DLG2: variants seen among roughly 807,000 people sequenced by gnomAD.
The protein encoded by DLG2 is disks large homolog 2.
A neutral mutation model predicts 132.5 loss-of-function variants in DLG2; 45 were observed. That is an observed-to-expected ratio of 0.34 (90% confidence interval 0.27 to 0.44). The LOEUF is 0.44. Among genes scored for constraint, DLG2 ranks in the 20% least tolerant of loss-of-function variants. DLG2 has a pLI of 1.00. For synonymous variants in DLG2, 424 were observed against 419.6 expected (o/e 1.01, Z -0.13); for missense variants, 1,045 against 1,196.9 (o/e 0.87, Z 1.87).
intron 11 of DLG2, among the ~76,000 whole-genome samples, chr11:84,020,931 T>C (rs2095371820): frequency 6.6e-6 from 1 of 152,178 alleles, no homozygotes; most frequent in African/African-American, 2.4e-5. Context: ...CTACTTTAAG[T>C]GGCCCTAACA....
chr11:84,851,077 C>T (rs1196502945), intron 6 of DLG2, among the ~76,000 whole-genome samples: 1 of 152,018 alleles, frequency 6.6e-6, no homozygotes, highest in Non-Finnish European at 1.5e-5. Context: ...TATTCAAAAA[C>T]AGAACATATC....
chr11:83,921,984 C>A lies in DLG2; in HGVS notation c.1496+8344G>T, dbSNP rs188134121. 2.2e-3 allele frequency among the ~76,000 whole-genome samples: 336 copies of A among 152,192 alleles called. 4 individuals carry two copies. Among genetic ancestry groups the A allele is most frequent in the Middle Eastern group, 0.017 (5 of 294 alleles). ...AACTCTGTTATCTCAAGGTATTTGA[C>A]CCTCATGAAGCCTCCTGACTCTACC... On this transcript the variant is annotated intron_variant, in intron 15 of 27. Transcript: ENST00000376104.
chr11:84,720,206 C>A, intron 6 of DLG2: 1 of 944,838 alleles, frequency 1.1e-6, no homozygotes, highest in Non-Finnish European at 1.3e-6. Flanking sequence ...GTCACTCTCC[C>A]AACAGGCAGA....
chr11:85,129,673 A>G (rs1486173084), intron 5 of DLG2, among the ~76,000 whole-genome samples: 1 of 152,212 alleles, frequency 6.6e-6, no homozygotes, highest in African/African-American at 2.4e-5. Flanking sequence ...CTAAAACTAG[A>G]AATACCATTT....
At chr11:85,430,757 G>C (rs1253385934) in intron 3 of DLG2, among the ~76,000 whole-genome samples, 1 of 151,912 alleles carries the variant, frequency 6.6e-6, no homozygotes, top group African/African-American at 2.4e-5. Context: ...TAGTTTTTAA[G>C]GGGGACTGAA....
At chr11:84,114,695 C>A (rs1300168359) in intron 9 of DLG2, among the ~76,000 whole-genome samples, 1 of 151,982 alleles carries the variant, frequency 6.6e-6, no homozygotes, top group Admixed American at 6.6e-5. Flanking sequence ...ACTTCACATT[C>A]TTTTTCTTTT....
At chr11:84,080,505 C>A (rs2096887178) in intron 10 of DLG2, among the ~76,000 whole-genome samples, 1 of 152,102 alleles carries the variant, frequency 6.6e-6, no homozygotes. Context: ...AAGGCACAAT[C>A]AATCATTATG....
intron 6 of DLG2, among the ~76,000 whole-genome samples, chr11:84,996,443 T>C (rs1260369184): frequency 6.6e-6 from 1 of 152,154 alleles, no homozygotes; most frequent in African/African-American, 2.4e-5. Context: ...ATCTTTCAAT[T>C]CAGATCTGTG....
Position 84,100,471 on chromosome 11 carries a change from A to G in DLG2, c.625-1424T>C, listed in dbSNP as rs1426761029. On this transcript the variant is annotated intron_variant, in intron 9 of 27. Transcript: ENST00000376104. ...CATCTCCACAGCTACATATGTTTTCATGGTTGTGTTGTAATTTTTTCCAAA... is the reference window on the plus strand; with the variant it reads ...CATCTCCACAGCTACATATGTTTTCGTGGTTGTGTTGTAATTTTTTCCAAA... 5.3e-5 allele frequency among the ~76,000 whole-genome samples: 8 copies of G among 151,300 alleles called. No homozygotes were observed. The East Asian group carries it at 1.4e-3, about 26-fold the overall frequency.
rs145875958 is a variant in DLG2 at position 85,532,801 on chromosome 11, A to G, written c.40+65856T>C. On this transcript the variant is annotated intron_variant, in intron 3 of 27. Transcript: ENST00000376104. ...AGTAGATAACTAACCCTGGTTTTTA[A>G]TTTCTATCAGTAAGGATTGCAAGTA... 2.0e-5 allele frequency among the ~76,000 whole-genome samples: 3 copies of G among 152,320 alleles called. No homozygotes were observed. The East Asian group carries it at 5.8e-4, about 29-fold the overall frequency.
intron 17 of DLG2, among the ~76,000 whole-genome samples, chr11:83,826,365 C>A (rs969141228): frequency 1.3e-5 from 2 of 152,148 alleles, no homozygotes; most frequent in African/African-American, 4.8e-5. Flanking sequence ...TATCTGTTTT[C>A]ATTTGAGGTG....
intron 5 of DLG2, among the ~76,000 whole-genome samples, chr11:85,112,188 A>T (rs901281912): frequency 6.6e-5 from 10 of 152,054 alleles, no homozygotes. Flanking sequence ...GTTTCATAGA[A>T]CTCCAGAATG....
intron 16 of DLG2, among the ~76,000 whole-genome samples, chr11:83,860,815 G>C (rs1179662106): frequency 1.3e-5 from 2 of 152,134 alleles, no homozygotes; most frequent in Admixed American, 1.3e-4. Context: ...GACCCTGTGG[G>C]AGATAATTGA....
Position 83,582,975 on chromosome 11 carries a change from C to T in DLG2, c.1941-41117G>A, listed in dbSNP as rs147586862. Among the ~76,000 whole-genome samples, 135 of 152,262 alleles carry T rather than the reference C, an allele frequency of 8.9e-4. 1 individual carries two copies. The South Asian group carries it at 8.9e-3, about 10-fold the overall frequency. On this transcript the variant is annotated intron_variant, in intron 19 of 27. Coordinates refer to ENST00000376104, the MANE Select transcript of DLG2 (RefSeq NM_001142699.3). ...GATTCAAAGCGGCAAAGTGACTTAT[C>T]TAAATCTCACAGATAAAATGTATAA...
rs142001781 is a variant in DLG2 at position 84,421,638 on chromosome 11, T to C, written c.519+112932A>G. Among the ~76,000 whole-genome samples the C allele has an allele frequency of 1.7e-4, 26 of 152,290 alleles. No individual in the cohort carries two copies. In the East Asian group the frequency reaches 5.0e-3, roughly 29 times the overall value. ...AACCTCTCTCTCACCTTAAAACCCA[T>C]CAGTGACACTGTTATTCCATCCTCC... On this transcript the variant is annotated intron_variant, in intron 7 of 27. Coordinates refer to ENST00000376104, the MANE Select transcript of DLG2 (RefSeq NM_001142699.3).
chr11:85,470,077 A>C (rs1295878401), intron 3 of DLG2, among the ~76,000 whole-genome samples: 1 of 152,054 alleles, frequency 6.6e-6, no homozygotes, highest in East Asian at 1.9e-4. Flanking sequence ...TTCCTCTGAC[A>C]ATCTCACCAA....
intron 3 of DLG2, among the ~76,000 whole-genome samples, chr11:85,319,527 A>C (rs1369509845): frequency 6.6e-6 from 1 of 151,830 alleles, no homozygotes; most frequent in African/African-American, 2.4e-5. Context: ...ACTATCCTCT[A>C]TATCTTGAAG....
intron 8 of DLG2, among the ~76,000 whole-genome samples, chr11:84,170,023 C>T (rs1437568608): frequency 2.0e-5 from 3 of 152,162 alleles, no homozygotes; most frequent in Non-Finnish European, 2.9e-5. Flanking sequence ...AAGGCATTTC[C>T]TATATCCTCA....
intron 3 of DLG2, among the ~76,000 whole-genome samples, chr11:85,431,004 A>T (rs2091143296): frequency 6.6e-6 from 1 of 152,154 alleles, no homozygotes; most frequent in Non-Finnish European, 1.5e-5. Flanking sequence ...AGTGTAAAAA[A>T]TGATTTTGGG....
Sources: gnomAD v4.1 joint callset for allele counts (sites outside exome capture counted in the v4.1 genomes callset) on GRCh38, gnomAD v4.1.1 for gene constraint, MANE v1.5 for transcripts, NCBI Gene and HGNC (gene_info 2026-07-23, HGNC 2026-07-21) for gene names.